Variants in USH2A observed in about 807,000 individuals in gnomAD.
USH2A encodes the protein usherin.
A neutral mutation model predicts 538.9 loss-of-function variants in USH2A; 443 were observed. That is an observed-to-expected ratio of 0.82 (90% CI 0.76 to 0.89). The LOEUF is 0.89. USH2A is among the 40% of genes least tolerant of loss of function. USH2A has a pLI of 0.00. For missense variants in USH2A, 6,633 were observed against 6,324.8 expected, an observed-to-expected ratio of 1.05 and a Z score of -1.65; for synonymous variants, 2,413 against 2,273.5, an observed-to-expected ratio of 1.06 and a Z score of -1.75.
intron 39 of USH2A, 125 bp from the exon 40 acceptor site, chr1:215,900,342 C>A (rs758292495): frequency 2.9e-6 from 3 of 1,042,892 alleles, no homozygotes; most frequent in South Asian, 2.8e-5. Flanking sequence ...TAATTTTCTG[C>A]CATCAAATGA....
intron 37 of USH2A, among the ~76,000 whole-genome samples, chr1:215,954,832 T>C (rs912961796): frequency 2.0e-5 from 3 of 152,216 alleles, no homozygotes; most frequent in Non-Finnish European, 2.9e-5. Context: ...CCTGTCTAAC[T>C]TTCTAGTCTC....
intron 13 of USH2A, among the ~76,000 whole-genome samples, chr1:216,244,227 C>T (rs371813586): frequency 6.6e-6 from 1 of 152,098 alleles, no homozygotes; most frequent in South Asian, 2.1e-4. Context: ...AGATTGAAAT[C>T]GGCTCTGCAT....
chr1:215,975,151 T>A (rs1191005052), intron 35 of USH2A, among the ~76,000 whole-genome samples: 1 of 152,206 alleles, frequency 6.6e-6, no homozygotes, highest in Non-Finnish European at 1.5e-5. Flanking sequence ...TCTGTTCATG[T>A]CTTTTACCCA....
intron 22 of USH2A, among the ~76,000 whole-genome samples, chr1:216,093,163 C>A (rs1332220823): frequency 6.6e-6 from 1 of 152,068 alleles, no homozygotes; most frequent in Non-Finnish European, 1.5e-5. Context: ...CGGGGTTTCA[C>A]CATCTTAGCC....
intron 35 of USH2A, among the ~76,000 whole-genome samples, chr1:215,985,055 T>TA (rs1342050980): frequency 6.6e-6 from 1 of 152,248 alleles, no homozygotes; most frequent in Non-Finnish European, 1.5e-5. Flanking sequence ...TCATAAAAGT[T>TA]ACGCAAGGTT....
chr1:216,351,399 GT>G (rs1447048863), intron 4 of USH2A, among the ~76,000 whole-genome samples: 1 of 152,144 alleles, frequency 6.6e-6, no homozygotes, highest in Non-Finnish European at 1.5e-5. Flanking sequence ...GAGGTGAAAA[GT>G]TCCAGGTTGA....
intron 11 of USH2A, among the ~76,000 whole-genome samples, chr1:216,281,371 A>C (rs1474826712): frequency 6.6e-6 from 1 of 152,178 alleles, no homozygotes; most frequent in Non-Finnish European, 1.5e-5. Flanking sequence ...TTTATATAAA[A>C]GGAAAAATGT....
chr1:215,656,224 C>A (rs1657247843), intron 64 of USH2A, among the ~76,000 whole-genome samples: 1 of 152,148 alleles, frequency 6.6e-6, no homozygotes, highest in South Asian at 2.1e-4. Context: ...TTCCTTAGGA[C>A]TGATGTTTTC....
At chr1:216,066,583 T>G (rs74998399) in intron 30 of USH2A, among the ~76,000 whole-genome samples, 2,795 of 152,270 alleles carry the variant, frequency 0.018, 94 homozygotes, top group African/African-American at 0.064. Context: ...ATACAGTGCA[T>G]GCCACATGTC....
intron 30 of USH2A, among the ~76,000 whole-genome samples, chr1:216,067,078 C>A (rs972637299): frequency 6.6e-6 from 1 of 152,058 alleles, no homozygotes; most frequent in Admixed American, 6.6e-5. Flanking sequence ...GGGGGAGACC[C>A]AGACAAAGTG....
intron 32 of USH2A, among the ~76,000 whole-genome samples, chr1:216,044,188 T>G (rs1253431251): frequency 1.3e-5 from 2 of 152,010 alleles, no homozygotes; most frequent in Non-Finnish European, 2.9e-5. Context: ...AGCAGCGATG[T>G]AATATAAAGG....
intron 3 of USH2A, among the ~76,000 whole-genome samples, chr1:216,415,742 G>T (rs1371828841): frequency 1.3e-5 from 2 of 151,790 alleles, no homozygotes; most frequent in African/African-American, 2.4e-5. Flanking sequence ...GCCCAGGCTG[G>T]CCTCGAACTC....
intron 48 of USH2A, among the ~76,000 whole-genome samples, chr1:215,815,008 A>G (rs1466371603): frequency 1.3e-5 from 2 of 152,076 alleles, no homozygotes; most frequent in African/African-American, 4.8e-5. Context: ...GTTTACAGTG[A>G]TTTAGCCAAA....
intron 4 of USH2A, among the ~76,000 whole-genome samples, chr1:216,331,229 C>A (rs370039996): frequency 6.6e-6 from 1 of 152,056 alleles, no homozygotes. Context: ...TTTACTTATT[C>A]CTTTGCTACT....
At chr1:215,824,181 G>A (rs776622289) in intron 47 of USH2A, among the ~76,000 whole-genome samples, 4 of 152,014 alleles carry the variant, frequency 2.6e-5, no homozygotes, top group African/African-American at 4.8e-5. Context: ...AGCAACTTTA[G>A]TATATTTTCT....
At chr1:216,007,410 G>T (rs1041679864) in intron 32 of USH2A, among the ~76,000 whole-genome samples, 1 of 152,094 alleles carries the variant, frequency 6.6e-6, no homozygotes, top group Non-Finnish European at 1.5e-5. Flanking sequence ...GGAAGACTCT[G>T]TTCCCTCAGA....
rs192676200 is a variant in USH2A, at chr1:215,639,523, G to A, written c.14969-285C>T. The stretch of plus-strand genomic sequence containing the variant: ...ACGAGTAAAGGGTAATACACAAAGC[G>A]CATCTTGTTCTGCACACGGTTTAAA... On this transcript the variant is annotated intron_variant, in intron 68 of 71. Transcript: ENST00000307340. Among the ~76,000 whole-genome samples the A allele has an allele frequency of 1.7e-4, 26 of 152,270 alleles. No individual in the cohort carries two copies. The South Asian group carries it at 3.5e-3, about 21-fold the overall frequency.
At chr1:216,419,594 G>A (rs532529994) in intron 2 of USH2A, among the ~76,000 whole-genome samples, 5 of 152,164 alleles carry the variant, frequency 3.3e-5, no homozygotes, top group Admixed American at 6.6e-5. Flanking sequence ...AACACACTGT[G>A]CTGCCTAGGT....
At chr1:215,647,316 T>C (rs1191453867) in intron 67 of USH2A, among the ~76,000 whole-genome samples, 1 of 152,234 alleles carries the variant, frequency 6.6e-6, no homozygotes, top group Non-Finnish European at 1.5e-5. Context: ...AAGAAAATCC[T>C]TCTTAAATTT....
Sources: gnomAD v4.1 joint callset for allele counts (sites outside exome capture counted in the v4.1 genomes callset) on GRCh38, gnomAD v4.1.1 for gene constraint, MANE v1.5 for transcripts, NCBI Gene and HGNC (gene_info 2026-07-23, HGNC 2026-07-21) for gene names.